Variants in GIP observed in about 807,000 individuals in gnomAD.
GIP encodes the protein glucose-dependent insulinotropic polypeptide.
In GIP, 16 loss-of-function variants were observed where a neutral mutation model predicts 18.1. The observed-to-expected ratio is 0.88, with a 90% CI of 0.60 to 1.34. The LOEUF (loss-of-function observed/expected upper bound fraction) is 1.34, where lower values mean the gene tolerates loss of function less well. Ranked by LOEUF, GIP falls within the 40% of genes most tolerant of loss-of-function variation. The pLI is 0.00. For missense variants in GIP, 192 were observed against 183.4 expected (o/e 1.05, Z -0.27); for synonymous variants, 76 against 74.0 (o/e 1.03, Z -0.14).
chr17:48,966,387 C>T (rs887915862), intron 2 of GIP, among the ~76,000 whole-genome samples: 1 of 151,568 alleles, frequency 6.6e-6, no homozygotes, highest in Non-Finnish European at 1.5e-5. Context: ...GAAACCCCAT[C>T]TCTACTAAAA....
chr17:48,963,860 AAAAG>A (rs954815270), intron 3 of GIP, among the ~76,000 whole-genome samples: 1 of 147,520 alleles, frequency 6.8e-6, no homozygotes, highest in African/African-American at 2.5e-5. Flanking sequence ...AAAAAAAAAA[AAAAG>A]AGAGAGAGAG....
At chr17:48,963,093 CAAA>C (rs5820738) in intron 3 of GIP, among the ~76,000 whole-genome samples, 149,268 of 151,812 alleles carry the variant, frequency 0.98, 73,442 homozygotes, top group East Asian at 1. Context: ...GGTGACAGAG[CAAA>C]AAAAATCCGT....
At chr17:48,967,362 T>TTTC (rs1567798048) in intron 1 of GIP, 109 bp from the exon 2 acceptor site, 2 of 171,240 alleles carry the variant, frequency 1.2e-5, no homozygotes, top group African/African-American at 8.4e-5. Context: ...CCTTTTTCTT[T>TTTC]TTTTTTTTTT....
chr17:48,961,009 C>T, intron 4 of GIP, 22 bp from the exon 5 acceptor site: 1 of 1,558,392 alleles, frequency 6.4e-7, no homozygotes, highest in Non-Finnish European at 8.8e-7. Flanking sequence ...CAGTCTCTGG[C>T]TAACTATTTT....
intron 2 of GIP, among the ~76,000 whole-genome samples, chr17:48,966,255 T>TAAAAAAAAAAAAAAA: frequency 8.1e-6 from 1 of 123,348 alleles, no homozygotes. Context: ...AGACTCCAAT[T>TAAAAAAAAAAAAAAA]AAAAAAAAAA....
At chr17:48,964,843 A>G (rs915371013) in intron 2 of GIP, among the ~76,000 whole-genome samples, 5 of 152,142 alleles carry the variant, frequency 3.3e-5, no homozygotes, top group African/African-American at 1.2e-4. Context: ...ATAATACAAA[A>G]ATTAGCCAGG....
At chr17:48,964,255 G>A in intron 3 of GIP, 55 bp downstream of exon 3, 1 of 1,441,586 alleles carries the variant, frequency 6.9e-7, no homozygotes, top group Non-Finnish European at 9.7e-7. Context: ...CTCCTCTGAA[G>A]GTAGGAAGGC....
chr17:48,959,347 G>A (rs1040592846), intron 5 of GIP, among the ~76,000 whole-genome samples: 4 of 152,112 alleles, frequency 2.6e-5, no homozygotes, highest in South Asian at 2.1e-4. Flanking sequence ...ACCTTCTTAC[G>A]GAGATTTTCT....
At chr17:48,965,971 T>TTA (rs2041233839) in intron 2 of GIP, among the ~76,000 whole-genome samples, 1 of 151,868 alleles carries the variant, frequency 6.6e-6, no homozygotes, top group African/African-American at 2.4e-5. Flanking sequence ...AACATCTACA[T>TTA]GATACAGGCC....
intron 2 of GIP, 77 bp downstream of exon 2, chr17:48,967,070 C>A (rs879876694): frequency 2.1e-4 from 226 of 1,077,846 alleles, no homozygotes; most frequent in Non-Finnish European, 3.1e-4. Context: ...TTTCTCATCT[C>A]CCCCTAGAAA....
intron 1 of GIP, among the ~76,000 whole-genome samples, chr17:48,967,648 G>A (rs773308770): frequency 7.2e-5 from 11 of 151,802 alleles, no homozygotes; most frequent in African/African-American, 2.4e-4. Context: ...GTGAGCCATC[G>A]CGCCTTGCCA....
intron 5 of GIP, among the ~76,000 whole-genome samples, chr17:48,960,409 A>G (rs7214663): frequency 0.048 from 215 of 4,440 alleles, 9 homozygotes; most frequent in East Asian, 0.082. Context: ...AGGGACAGGC[A>G]GGCCACAGGA....
At position 48,964,047 on chromosome 17, in the gene GIP, C is replaced by G. The variant is rs1422197752; in HGVS notation, c.257+263G>C. Among the ~76,000 whole-genome samples, 5 of 149,142 alleles carry G rather than the reference C, an allele frequency of 3.4e-5. No individual in the cohort carries two copies. In the Admixed American group the frequency reaches 3.4e-4, roughly 10 times the overall value. On this transcript the variant is annotated intron_variant, in intron 3 of 5. Coordinates refer to ENST00000357424, the MANE Select transcript of GIP (RefSeq NM_004123.3). ...TGGTGGCAGTTGCCTGTAGTCCCAGCTACTCAGGAGGCTGAGGCAGGAGAA... is the reference window on the plus strand; with the variant it reads ...TGGTGGCAGTTGCCTGTAGTCCCAGGTACTCAGGAGGCTGAGGCAGGAGAA...
intron 2 of GIP, 71 bp from the exon 3 acceptor site, chr17:48,964,551 C>G (rs1048714514): frequency 2.2e-6 from 3 of 1,341,708 alleles, no homozygotes; most frequent in African/African-American, 2.9e-5. Flanking sequence ...ATGACTGTCA[C>G]TAACAGGAGG....
chr17:48,964,616 T>C, intron 2 of GIP, 136 bp from the exon 3 acceptor site: 1 of 664,936 alleles, frequency 1.5e-6, no homozygotes, highest in Non-Finnish European at 2.6e-6. Context: ...GTGGATCCAC[T>C]CCCCCACCCC....
Position 48,964,392 on chromosome 17 carries a change from T to A in GIP, c.175A>T (p.Ser59Cys), listed in dbSNP as rs769719679. The A allele has an allele frequency of 2.5e-6, 4 of 1,613,728 alleles. No homozygotes were observed. The highest frequency in any genetic ancestry group is 2.5e-6 in the Non-Finnish European group (3 of 1,179,750). ...GPRYAEGTFI[S>C]DYSIAMDKIH... ...TTGTCCATGGCAATACTGTAGTCAC[T>A]GATGAAAGTCCCTTCCGCGTACCTG... is the stretch of plus-strand genomic sequence containing the variant. Residue 59 changes from serine to cysteine, a missense_variant, in exon 3 of 6, where the codon AGT becomes TGT. By Grantham distance (112) the Ser-to-Cys change is moderately radical. Coordinates refer to ENST00000357424, the MANE Select transcript of GIP (RefSeq NM_004123.3).
rs1277031043 is a variant in GIP, at chr17:48,958,639, C to G, written c.*68G>C. ...ATTGGTTTGGGTTCTCTTGGCTATT[C>G]TGGAGTGGGGCTGAGGCAGGTGCTA... On this transcript the variant is annotated 3_prime_UTR_variant, in exon 6 of 6. Coordinates refer to ENST00000357424, the MANE Select transcript of GIP (RefSeq NM_004123.3). 2 of 1,340,832 alleles carry G rather than the reference C, an allele frequency of 1.5e-6. No homozygotes were observed. Among genetic ancestry groups the G allele is most frequent in the Middle Eastern group, 1.8e-4 (1 of 5,608 alleles). 83.1% of individuals were successfully genotyped at this position (1,340,832 alleles called of 1,614,324 possible).
chr17:48,958,640 TG>T lies in GIP; in HGVS notation c.*66del. ...TTGGTTTGGGTTCTCTTGGCTATTC[TG>T]GAGTGGGGCTGAGGCAGGTGCTAAG... is the stretch of plus-strand genomic sequence containing the variant. On this transcript the variant is annotated 3_prime_UTR_variant, in exon 6 of 6. Coordinates refer to ENST00000357424, the MANE Select transcript of GIP (RefSeq NM_004123.3). 7.4e-7 allele frequency: 1 copy of T among 1,347,122 alleles called. No individual in the cohort carries two copies. The highest frequency in any genetic ancestry group is 1.0e-6 in the Non-Finnish European group (1 of 959,338). 83.4% of individuals were successfully genotyped at this position (1,347,122 alleles called of 1,614,324 possible).
At position 48,960,962 on chromosome 17, in the gene GIP, C is replaced by T. The variant is rs2041197560; in HGVS notation, c.376G>A (p.Glu126Lys). The stretch of plus-strand genomic sequence containing the variant: ...ATCAGCAAGTCCCGCAGCAAATCTT[C>T]ATCGCTGGGGTTCTTGGCTGGGGAG... ...QSSPAKNPSD[E>K]DLLRDLLIQE... is the part of the protein sequence containing the mutation. The change falls in exon 5 of 6, where the codon GAA becomes AAA. Residue 126 changes from glutamate (E) to lysine (K), a missense_variant. By Grantham distance (56) the Glu-to-Lys change is moderately conservative. Transcript: ENST00000357424. 1.2e-6 allele frequency: 2 copies of T among 1,609,468 alleles called. No homozygotes were observed. The highest frequency in any genetic ancestry group is 8.5e-7 in the Non-Finnish European group (1 of 1,178,098).
Sources: gnomAD v4.1 joint callset for allele counts (sites outside exome capture counted in the v4.1 genomes callset) on GRCh38, gnomAD v4.1.1 for gene constraint, MANE v1.5 for transcripts, NCBI Gene and HGNC (gene_info 2026-07-23, HGNC 2026-07-21) for gene names.